MFSD1: variants seen among roughly 807,000 people sequenced by gnomAD.
MFSD1 encodes the protein major facilitator superfamily domain containing 1, also known as lysosomal dipeptide transporter MFSD1.
MFSD1 carries 59 observed loss-of-function variants against 67.1 expected under a neutral mutation model. The ratio of observed to expected loss-of-function variants is 0.88; its 90% CI spans 0.71 to 1.09. MFSD1 has a LOEUF of 1.09. Among genes scored for constraint, MFSD1 ranks in the 50% least tolerant of loss-of-function variants. The pLI is 0.00. For synonymous variants in MFSD1, 213 were observed against 200.3 expected, an observed-to-expected ratio of 1.06 and a Z score of -0.54; for missense variants, 552 against 566.1, an observed-to-expected ratio of 0.97 and a Z score of 0.25.
chr3:158,802,581 G>T, intron 1 of MFSD1: 1 of 692,870 alleles, frequency 1.4e-6, no homozygotes, highest in Non-Finnish European at 2.6e-6. Context: ...AGTCCCAGGG[G>T]CTAGCGACTC....
intron 6 of MFSD1, among the ~76,000 whole-genome samples, chr3:158,812,566 C>T (rs777578294): frequency 7.2e-5 from 11 of 152,260 alleles, no homozygotes; most frequent in Non-Finnish European, 1.3e-4. Context: ...GACCACTTCC[C>T]ACCATGCCCA....
At chr3:158,803,458 C>T (rs1275833651) in intron 1 of MFSD1, among the ~76,000 whole-genome samples, 1 of 151,902 alleles carries the variant, frequency 6.6e-6, no homozygotes, top group African/African-American at 2.4e-5. Context: ...AAACAACCAC[C>T]ACCACAACAA....
chr3:158,825,929 C>G lies in MFSD1; in HGVS notation c.1289-86C>G. 6 of 1,044,188 alleles carry G rather than the reference C, an allele frequency of 5.7e-6. No individual in the cohort carries two copies. In the South Asian group the frequency reaches 6.5e-5, roughly 11 times the overall value. The allele number at this position is 1,044,188 out of a possible 1,614,324, so 64.7% of individuals were successfully genotyped here. ...GCAATTAATAAAGGTTTGATTGTGT[C>G]TAAGCTTTGCTTTGTGATTATGATT... On this transcript the variant is annotated intron_variant, in intron 13 of 15. Coordinates refer to ENST00000415822, the MANE Select transcript of MFSD1 (RefSeq NM_022736.4).
In MFSD1 at chr3:158,802,107, G is replaced by A. The variant is rs370196001; in HGVS notation, c.-46G>A. The stretch of plus-strand genomic sequence containing the variant: ...TCCACGGGCGCTGCTTCCTGCCTGG[G>A]TTTGGAGTTGTCACCACTTTCCCCT... On this transcript the variant is annotated 5_prime_UTR_variant, in exon 1 of 16. Transcript: ENST00000415822. The A allele has an allele frequency of 7.5e-5, 121 of 1,603,900 alleles. 1 individual carries two copies. The African/African-American group carries it at 1.5e-3, about 19-fold the overall frequency.
rs747049904 is a variant in MFSD1, at chr3:158,824,177, T to A, written c.1229T>A (p.Met410Lys). 7 of 1,613,862 alleles carry A rather than the reference T, an allele frequency of 4.3e-6. No homozygotes were observed. In the South Asian group the frequency reaches 7.7e-5, roughly 18 times the overall value. The change falls in exon 13 of 16, where the codon ATG becomes AAG. Residue 410 changes from methionine (M) to lysine (K), a missense_variant. By Grantham distance (95) the Met-to-Lys change is moderately conservative. Transcript: ENST00000415822. ...GLAIISIIAG[M>K]ILDSRGYLFL... ...GCCATCATTTCCATCATTGCTGGTA[T>A]GATACTGGATTCTCGGGGGTATTTG... is the stretch of plus-strand genomic sequence containing the variant.
At chr3:158,810,407 G>A (rs1455367512) in intron 6 of MFSD1, among the ~76,000 whole-genome samples, 1 of 152,148 alleles carries the variant, frequency 6.6e-6, no homozygotes, top group East Asian at 1.9e-4. Flanking sequence ...CTTTTAATAA[G>A]TGTCGTGAAA....
At chr3:158,825,833 A>G (rs1441579472) in intron 13 of MFSD1, among the ~76,000 whole-genome samples, 182 bp from the exon 14 acceptor site, 1 of 152,198 alleles carries the variant, frequency 6.6e-6, no homozygotes, top group Non-Finnish European at 1.5e-5. Flanking sequence ...CCCTTGGAGA[A>G]AATAGTGTGT....
At chr3:158,821,956 T>C in intron 10 of MFSD1, 28 bp from the exon 11 acceptor site, 5 of 1,594,648 alleles carry the variant, frequency 3.1e-6, no homozygotes, top group Non-Finnish European at 4.3e-6. Context: ...TTGCATTTCA[T>C]GAAATGTCTT....
At chr3:158,828,486 G>A (rs1002489882) in intron 15 of MFSD1, among the ~76,000 whole-genome samples, 9 of 151,832 alleles carry the variant, frequency 5.9e-5, no homozygotes, top group Admixed American at 4.6e-4. Context: ...TTAAAAGTTT[G>A]GAAACAACAT....
chr3:158,805,553 A>G (rs1729683881), intron 3 of MFSD1, 79 bp downstream of exon 3: 3 of 1,077,964 alleles, frequency 2.8e-6, no homozygotes, highest in East Asian at 4.7e-5. Context: ...TATTTCTAGA[A>G]AGAGCTGAAT....
chr3:158,806,780 A>G (rs10513528), intron 3 of MFSD1, among the ~76,000 whole-genome samples: 19,375 of 152,128 alleles, frequency 0.13, 1,320 homozygotes, highest in East Asian at 0.19. Flanking sequence ...TTAAACTAAT[A>G]TATGCCATTG....
At position 158,827,976 on chromosome 3, in the gene MFSD1, G is replaced by GAGAGAC. The variant is rs1553759912; in HGVS notation, c.1394+642_1394+643insGACAGA. 5.0e-3 allele frequency among the ~76,000 whole-genome samples: 388 copies of GAGAGAC among 78,200 alleles called. 14 individuals carry two copies. The highest frequency in any genetic ancestry group is 0.011 in the East Asian group (25 of 2,306). 51.3% of individuals were successfully genotyped at this position (78,200 alleles called of 152,430 possible). ...AGAGAGAGAGAGAGAGAGAGAGAGA[G>GAGAGAC]AGACAGAGATCGATCTATATTACTT... On this transcript the variant is annotated intron_variant, in intron 15 of 15. Coordinates refer to ENST00000415822, the MANE Select transcript of MFSD1 (RefSeq NM_022736.4).
In MFSD1 at chr3:158,814,026, G is replaced by C; in HGVS notation, c.611G>C (p.Gly204Ala). 2 of 1,613,748 alleles carry C rather than the reference G, an allele frequency of 1.2e-6. No individual in the cohort carries two copies. Among genetic ancestry groups the C allele is most frequent in the Non-Finnish European group, 1.7e-6 (2 of 1,179,878 alleles). The stretch of plus-strand genomic sequence containing the variant: ...TATTCTAAGATTGAAGCTTTGTTAG[G>C]TTCTGCTGGTCACACAACCCTCGGG... ...WLYSKIEALL[G>A]SAGHTTLGIT... The change falls in exon 7 of 16, where the codon GGT becomes GCT. Residue 204 changes from glycine (G) to alanine (A), a missense_variant. By Grantham distance (60) the Gly-to-Ala change is moderately conservative. Transcript: ENST00000415822.
chr3:158,819,464 T>C, intron 7 of MFSD1, 185 bp from the exon 8 acceptor site: 1 of 451,564 alleles, frequency 2.2e-6, no homozygotes, highest in Non-Finnish European at 3.9e-6. Flanking sequence ...TACTGTTTGC[T>C]GAGTATTTGA....
chr3:158,807,814 T>C (rs1339194575), intron 5 of MFSD1, among the ~76,000 whole-genome samples: 1 of 152,260 alleles, frequency 6.6e-6, no homozygotes, highest in Non-Finnish European at 1.5e-5. Flanking sequence ...GACATTTCAC[T>C]CTTTCTTAGC....
Position 158,819,658 on chromosome 3 carries a change from C to T in MFSD1, c.662C>T (p.Thr221Met), listed in dbSNP as rs753535023. The T allele has an allele frequency of 2.2e-5, 33 of 1,520,268 alleles. No individual in the cohort carries two copies. The African/African-American group carries it at 2.8e-4, about 13-fold the overall frequency. The allele number at this position is 1,520,268 out of a possible 1,614,324, so 94.2% of individuals were successfully genotyped here. Residue 221 changes from threonine (T) to methionine (M), a missense_variant, in exon 8 of 16, where the codon ACG becomes ATG. By Grantham distance (81) the Thr-to-Met change is moderately conservative. Coordinates refer to ENST00000415822, the MANE Select transcript of MFSD1 (RefSeq NM_022736.4). Reference sequence around the variant, plus strand: ...TTTTTTTTTTATTTAGGGGGTATAACGTGTATTCTTTCACTAATCTGTGCC... The same window carrying T: ...TTTTTTTTTTATTTAGGGGGTATAATGTGTATTCTTTCACTAATCTGTGCC... ...LGITLMIGGI[T>M]CILSLICALA... is the part of the protein sequence containing the mutation.
At position 158,824,236 on chromosome 3, in the gene MFSD1, T is replaced by G; in HGVS notation, c.1288T>G (p.Leu430Val). ...AGTGTTCTTCATTGCCTGTGTTTCT[T>G]GTGAGTATTCCGTATGACAACATTT... is the stretch of plus-strand genomic sequence containing the variant. Reference protein sequence around the residue: ...LEVFFIACVSLSLLSVVLLYL... With the variant: ...LEVFFIACVSVSLLSVVLLYL... Residue 430 changes from leucine to valine, a missense_variant and splice_region_variant, in exon 13 of 16, where the codon TTG (leucine) becomes GTG (valine). By Grantham distance (32) the Leu-to-Val change is conservative. Transcript: ENST00000415822. 1.9e-6 allele frequency: 3 copies of G among 1,589,710 alleles called. No individual in the cohort carries two copies. The highest frequency in any genetic ancestry group is 2.6e-6 in the Non-Finnish European group (3 of 1,160,262).
chr3:158,827,935 AGAGAGAGGGG>A (rs1220152355), intron 15 of MFSD1, among the ~76,000 whole-genome samples: 769 of 32,418 alleles, frequency 0.024, 17 homozygotes, highest in African/African-American at 0.045. Flanking sequence ...AGAGAGAGAG[AGAGAGAGGGG>A]GAGAGAGAGA....
At chr3:158,817,217 C>A (rs1327965949) in intron 7 of MFSD1, among the ~76,000 whole-genome samples, 1 of 152,144 alleles carries the variant, frequency 6.6e-6, no homozygotes, top group Non-Finnish European at 1.5e-5. Context: ...CTCACCACTC[C>A]TATTCAACAT....
Sources: gnomAD v4.1 joint callset for allele counts (sites outside exome capture counted in the v4.1 genomes callset) on GRCh38, gnomAD v4.1.1 for gene constraint, MANE v1.5 for transcripts, NCBI Gene and HGNC (gene_info 2026-07-23, HGNC 2026-07-21) for gene names.